The following TSPAN15 variants were observed in gnomAD, a reference collection of about 807,000 sequenced individuals.
TSPAN15 encodes the protein tetraspanin-15.
TSPAN15 carries 20 observed loss-of-function variants against 34.5 expected under a neutral mutation model. The observed-to-expected ratio is 0.58, with a 90% CI of 0.41 to 0.84. The LOEUF is 0.84. TSPAN15 is among the 40% of genes least tolerant of loss of function. The pLI is 0.00. For synonymous variants in TSPAN15, 155 were observed against 153.9 expected, an observed-to-expected ratio of 1.01 and a Z score of -0.05; for missense variants, 313 against 386.1, an observed-to-expected ratio of 0.81 and a Z score of 1.59.
At chr10:69,487,986 G>A (rs1487146653) in intron 3 of TSPAN15, among the ~76,000 whole-genome samples, 2 of 152,154 alleles carry the variant, frequency 1.3e-5, no homozygotes, top group African/African-American at 2.4e-5. Flanking sequence ...GCCATGATTC[G>A]TCATCTTGAA....
chr10:69,475,676 C>T (rs909679596), intron 1 of TSPAN15, among the ~76,000 whole-genome samples: 2 of 152,156 alleles, frequency 1.3e-5, no homozygotes, highest in Non-Finnish European at 2.9e-5. Context: ...TGCTGTGTGC[C>T]TGTGGGAGTC....
At chr10:69,497,409 C>T (rs1435128848) in intron 4 of TSPAN15, among the ~76,000 whole-genome samples, 2 of 152,186 alleles carry the variant, frequency 1.3e-5, no homozygotes, top group Non-Finnish European at 2.9e-5. Context: ...GCCTCCGCAC[C>T]TGCTGCTGAA....
At chr10:69,468,515 G>T (rs1841437708) in intron 1 of TSPAN15, among the ~76,000 whole-genome samples, 1 of 151,708 alleles carries the variant, frequency 6.6e-6, no homozygotes, top group Non-Finnish European at 1.5e-5. Flanking sequence ...TAGAGGAAAT[G>T]GACTTTTTTT....
chr10:69,508,923 G>A (rs1260659971), downstream of TSPAN15, among the ~76,000 whole-genome samples: 1 of 152,222 alleles, frequency 6.6e-6, no homozygotes, highest in Non-Finnish European at 1.5e-5. Flanking sequence ...TGCTTCTGAA[G>A]CTCTGTCCTG....
At chr10:69,467,010 G>A (rs1012817509) in intron 1 of TSPAN15, among the ~76,000 whole-genome samples, 5 of 152,198 alleles carry the variant, frequency 3.3e-5, no homozygotes, top group African/African-American at 7.2e-5. Context: ...CTGGGAGCCC[G>A]TTCCTGACCT....
chr10:69,509,640 AG>A (rs1311389787), downstream of TSPAN15, among the ~76,000 whole-genome samples: 1 of 152,100 alleles, frequency 6.6e-6, no homozygotes, highest in Non-Finnish European at 1.5e-5. Context: ...TTGGTGTTTT[AG>A]TCATGAAGTC....
At chr10:69,516,461 C>T in the TSPAN15 span, among the ~76,000 whole-genome samples, 2 of 152,138 alleles carry the variant, frequency 1.3e-5, no homozygotes, top group Non-Finnish European at 2.9e-5. Context: ...AGGGAGGCCT[C>T]GGTCTTTAGA....
chr10:69,547,888 G>A, the TSPAN15 span, among the ~76,000 whole-genome samples: 8 of 152,312 alleles, frequency 5.3e-5, no homozygotes, highest in African/African-American at 1.9e-4. Context: ...ATCCAGCCTA[G>A]TGATGCCCCT....
chr10:69,508,572 T>C (rs918350529), downstream of TSPAN15, among the ~76,000 whole-genome samples: 2 of 151,534 alleles, frequency 1.3e-5, no homozygotes, highest in African/African-American at 4.8e-5. Context: ...TGGTCTGCCA[T>C]GGGTGCCAAA....
chr10:69,504,453 A>G lies in TSPAN15; in HGVS notation c.586A>G (p.Thr196Ala). ...TCCATTTCAGACAGAAGTTGTCAAC[A>G]CCATGTGTGGCTACAAAACTATCGA... Reference protein sequence around the residue: ...CIRNTTEVVNTMCGYKTIDKE... With the variant: ...CIRNTTEVVNAMCGYKTIDKE... Residue 196 changes from threonine to alanine, a missense_variant, in exon 6 of 8, where the codon ACC becomes GCC. Coordinates refer to ENST00000373290, the MANE Select transcript of TSPAN15 (RefSeq NM_012339.5). The G allele has an allele frequency of 6.2e-7, 1 of 1,614,140 alleles. No homozygotes were observed.
the TSPAN15 span, among the ~76,000 whole-genome samples, chr10:69,524,685 C>A: frequency 7.1e-6 from 1 of 141,630 alleles, no homozygotes. Context: ...GTGATCTAAA[C>A]ATAAATTTCA....
At chr10:69,541,702 T>C in the TSPAN15 span, among the ~76,000 whole-genome samples, 3 of 152,250 alleles carry the variant, frequency 2.0e-5, no homozygotes, top group Admixed American at 1.3e-4. Context: ...TTCTCAAACC[T>C]CAATTCTTGA....
chr10:69,473,362 G>A (rs1442190520), intron 1 of TSPAN15, among the ~76,000 whole-genome samples: 1 of 152,208 alleles, frequency 6.6e-6, no homozygotes, highest in South Asian at 2.1e-4. Flanking sequence ...GCTGCTATGG[G>A]AGGCAGTGCT....
At chr10:69,467,599 G>A (rs905992109) in intron 1 of TSPAN15, among the ~76,000 whole-genome samples, 1 of 151,518 alleles carries the variant, frequency 6.6e-6, no homozygotes, top group Non-Finnish European at 1.5e-5. Context: ...GGGCAATAGG[G>A]TGAGACCTTG....
intron 4 of TSPAN15, 79 bp from the exon 5 acceptor site, chr10:69,498,201 C>T: frequency 7.6e-7 from 1 of 1,315,972 alleles, no homozygotes. Flanking sequence ...GCCTCCGTCT[C>T]CTGACAGGGC....
At chr10:69,525,071 G>A in the TSPAN15 span, among the ~76,000 whole-genome samples, 22 of 147,100 alleles carry the variant, frequency 1.5e-4, 2 homozygotes, top group Non-Finnish European at 2.5e-4. Flanking sequence ...GTGAGCCACC[G>A]TGCCTGGCCT....
intron 6 of TSPAN15, 143 bp downstream of exon 6, chr10:69,504,628 G>C (rs566247968): frequency 3.5e-6 from 3 of 853,942 alleles, no homozygotes; most frequent in African/African-American, 3.3e-5. Flanking sequence ...CAGGACTGCT[G>C]TGGTTTTCCA....
At chr10:69,481,466 G>A (rs572883979) in intron 1 of TSPAN15, among the ~76,000 whole-genome samples, 1 of 152,304 alleles carries the variant, frequency 6.6e-6, no homozygotes, top group Non-Finnish European at 1.5e-5. Context: ...CTGCTTATTT[G>A]ACTTTTGGCA....
chr10:69,495,723 C>T (rs1354629324), intron 4 of TSPAN15, 34 bp downstream of exon 4: 4 of 1,456,790 alleles, frequency 2.7e-6, no homozygotes, highest in Non-Finnish European at 3.9e-6. Flanking sequence ...AGATGCGCCT[C>T]CCGTGCTCTT....
Sources: allele counts gnomAD v4.1 joint callset (sites outside exome capture counted in the v4.1 genomes callset), GRCh38; gene constraint gnomAD v4.1.1; transcripts MANE v1.5; gene names NCBI Gene and HGNC (gene_info 2026-07-23, HGNC 2026-07-21).